Variants in C1orf146 observed in about 807,000 individuals in gnomAD.
C1orf146 encodes the protein chromosome 1 open reading frame 146.
Under a neutral mutation model 23.0 loss-of-function variants are expected in C1orf146, and 22 were observed. The ratio of observed to expected loss-of-function variants is 0.96; its 90% CI spans 0.68 to 1.36. C1orf146 has a LOEUF of 1.36. Ranked by LOEUF, C1orf146 falls within the 40% of genes most tolerant of loss-of-function variation. C1orf146 has a pLI of 0.00. For synonymous variants in C1orf146, 59 were observed against 65.3 expected (o/e 0.90, Z 0.47); for missense variants, 199 against 206.8 (o/e 0.96, Z 0.23).
At chr1:92,232,936 A>G (rs1204605697) in intron 2 of C1orf146, among the ~76,000 whole-genome samples, 4 of 151,910 alleles carry the variant, frequency 2.6e-5, no homozygotes, top group Admixed American at 6.6e-5. Context: ...CATGTCCTTC[A>G]CCCACTTTTT....
At position 92,242,259 on chromosome 1, in the gene C1orf146, A is replaced by G; in HGVS notation, c.114A>G (p.Arg38=). The change falls in exon 3 of 6, where the codon CGA becomes CGG. Residue 38 remains arginine (R), a synonymous_variant. Coordinates refer to ENST00000370375, the MANE Select transcript of C1orf146 (RefSeq NM_001012425.2). ...TAGAAAATCGAAGCCACAAAGTTCG[A>G]TATTCAGATTCAGTGGAAAATGGAT... ...TALENRSHKV[R]YSDSVENGSI... 2 of 1,604,050 alleles carry G rather than the reference A, an allele frequency of 1.2e-6. No individual in the cohort carries two copies. The highest frequency in any genetic ancestry group is 1.7e-6 in the Non-Finnish European group (2 of 1,174,614).
chr1:92,229,105 G>C, intron 1 of C1orf146: 2 of 508,884 alleles, frequency 3.9e-6, no homozygotes, highest in South Asian at 3.3e-5. Context: ...AGTGAGGTCA[G>C]GATGGAGCCG....
chr1:92,241,437 A>G (rs1652429759), intron 2 of C1orf146, among the ~76,000 whole-genome samples: 1 of 151,674 alleles, frequency 6.6e-6, no homozygotes, highest in Non-Finnish European at 1.5e-5. Flanking sequence ...TCTGGACTCA[A>G]ATGATCCACC....
At chr1:92,238,581 A>G (rs1652352591) in intron 2 of C1orf146, among the ~76,000 whole-genome samples, 1 of 151,952 alleles carries the variant, frequency 6.6e-6, no homozygotes, top group Admixed American at 6.6e-5. Context: ...TGTTTTCTCA[A>G]TTCAATACTT....
At chr1:92,222,540 T>G (rs1450914712) in intron 1 of C1orf146, among the ~76,000 whole-genome samples, 3 of 149,852 alleles carry the variant, frequency 2.0e-5, no homozygotes, top group Non-Finnish European at 3.0e-5. Flanking sequence ...CTTCGGTTTT[T>G]TTTTTTTTTT....
At position 92,236,434 on chromosome 1, in the gene C1orf146, G is replaced by T. The variant is rs570763545; in HGVS notation, c.66+4948G>T. Among the ~76,000 whole-genome samples the T allele has an allele frequency of 3.9e-5, 6 of 152,122 alleles. No individual in the cohort carries two copies. In the East Asian group the frequency reaches 1.2e-3, roughly 29 times the overall value. ...TTTTCTTTAAGAATGTCGAATATTG[G>T]CCCCCACTCTCTTCTGGCTTGTAGA... On this transcript the variant is annotated intron_variant, in intron 2 of 5. Transcript: ENST00000370375.
At chr1:92,233,427 C>A in intron 2 of C1orf146, among the ~76,000 whole-genome samples, 1 of 151,940 alleles carries the variant, frequency 6.6e-6, no homozygotes, top group East Asian at 1.9e-4. Context: ...TGTAGATATG[C>A]GGCGTTATTT....
intron 2 of C1orf146, among the ~76,000 whole-genome samples, chr1:92,236,012 G>A (rs1384144381): frequency 6.6e-6 from 1 of 152,110 alleles, no homozygotes; most frequent in Non-Finnish European, 1.5e-5. Flanking sequence ...GTCTCTGCAT[G>A]TGAGATGGGT....
intron 1 of C1orf146, among the ~76,000 whole-genome samples, chr1:92,224,601 C>T (rs1212225035): frequency 6.6e-6 from 1 of 152,132 alleles, no homozygotes; most frequent in East Asian, 1.9e-4. Context: ...TGAATTGTTC[C>T]AACACCGTTT....
At chr1:92,230,132 A>G (rs1652077030) in intron 1 of C1orf146, among the ~76,000 whole-genome samples, 1 of 152,122 alleles carries the variant, frequency 6.6e-6, no homozygotes, top group South Asian at 2.1e-4. Context: ...TGTGGTCCCC[A>G]GACCAGTATC....
chr1:92,231,355 C>T, intron 1 of C1orf146, 27 bp from the exon 2 acceptor site: 3 of 1,070,292 alleles, frequency 2.8e-6, no homozygotes, highest in Non-Finnish European at 2.8e-6. Context: ...TATTTCTTTG[C>T]ATTCTTTGTG....
chr1:92,230,296 C>T (rs12084088), intron 1 of C1orf146, among the ~76,000 whole-genome samples: 7,129 of 148,132 alleles, frequency 0.048, 573 homozygotes, highest in African/African-American at 0.17. Flanking sequence ...GACCTGCCCC[C>T]GATCTCCACA....
intron 1 of C1orf146, chr1:92,229,434 AG>A (rs1342393608): frequency 5.7e-6 from 3 of 523,124 alleles, no homozygotes; most frequent in Non-Finnish European, 1.2e-5. Flanking sequence ...GCTCTTCTCC[AG>A]CTTTTTGTCA....
At chr1:92,235,064 C>T (rs1182112065) in intron 2 of C1orf146, among the ~76,000 whole-genome samples, 1 of 152,066 alleles carries the variant, frequency 6.6e-6, no homozygotes, top group Non-Finnish European at 1.5e-5. Context: ...AAACCAGCTC[C>T]TGGATTCATT....
chr1:92,244,579 C>T (rs142040705), intron 4 of C1orf146, among the ~76,000 whole-genome samples, 194 bp downstream of exon 4: 120 of 152,280 alleles, frequency 7.9e-4, no homozygotes, highest in Non-Finnish European at 1.4e-3. Flanking sequence ...AGGGCTTCTC[C>T]AAGACCAAGC....
intron 2 of C1orf146, 75 bp from the exon 3 acceptor site, chr1:92,242,137 T>G: frequency 2.8e-6 from 2 of 709,888 alleles, no homozygotes; most frequent in Middle Eastern, 2.6e-4. Flanking sequence ...CATATTAAAC[T>G]TTTAATTTTT....
intron 2 of C1orf146, among the ~76,000 whole-genome samples, chr1:92,240,100 G>A (rs909989484): frequency 6.6e-6 from 1 of 152,186 alleles, no homozygotes; most frequent in African/African-American, 2.4e-5. Flanking sequence ...CTTCTGCAAG[G>A]TGCTTGGAAG....
intron 2 of C1orf146, among the ~76,000 whole-genome samples, chr1:92,235,406 G>A (rs1652250484): frequency 6.6e-6 from 1 of 152,158 alleles, no homozygotes; most frequent in Admixed American, 6.5e-5. Context: ...CAGTTTCCAT[G>A]TAGTTGAGCA....
In C1orf146 at chr1:92,244,255, C is replaced by T. The variant is rs1221276098; in HGVS notation, c.199C>T (p.Leu67=). 2 of 1,603,514 alleles carry T rather than the reference C, an allele frequency of 1.2e-6. No individual in the cohort carries two copies. The highest frequency in any genetic ancestry group is 2.7e-5 in the African/African-American group (2 of 74,468). Reference sequence around the variant, plus strand: ...ATTAATGGATACTAAGGAATGTCTTCTGTCAACTGAAGAAATATTTCTAGC... The same window carrying T: ...ATTAATGGATACTAAGGAATGTCTTTTGTCAACTGAAGAAATATTTCTAGC... The part of the protein sequence containing the change: ...FLLMDTKECL[L]STEEIFLAKI... Residue 67 remains leucine (L), a synonymous_variant, in exon 4 of 6, where the codon CTG becomes TTG. Coordinates refer to ENST00000370375, the MANE Select transcript of C1orf146 (RefSeq NM_001012425.2).
Sources: allele counts gnomAD v4.1 joint callset (sites outside exome capture counted in the v4.1 genomes callset), GRCh38; gene constraint gnomAD v4.1.1; transcripts MANE v1.5; gene names NCBI Gene and HGNC (gene_info 2026-07-23, HGNC 2026-07-21).